CD163: variants seen among roughly 807,000 people sequenced by gnomAD.
The protein encoded by CD163 is scavenger receptor cysteine-rich type 1 protein M130.
CD163 carries 64 observed loss-of-function variants against 129.2 expected under a neutral mutation model. That is an observed-to-expected ratio of 0.50 (90% CI 0.41 to 0.61). The LOEUF is 0.61. Ranked by LOEUF, CD163 falls within the 20% of genes least tolerant of loss-of-function variation. The pLI is 0.00. For synonymous variants in CD163, 446 were observed against 478.5 expected (o/e 0.93, Z 0.89); for missense variants, 1,061 against 1,377.9 (o/e 0.77, Z 3.64).
At chr12:7,475,894 G>A (rs891646892) in intron 16 of CD163, among the ~76,000 whole-genome samples, 3 of 152,110 alleles carry the variant, frequency 2.0e-5, no homozygotes, top group Admixed American at 2.0e-4. Context: ...CAAAGTCTCA[G>A]GATACAAAAT....
Position 7,486,932 on chromosome 12 carries a change from CT to C in CD163, c.2104del (p.Arg702GlyfsTer13). On this transcript the variant is annotated frameshift_variant, in exon 9 of 17. Coordinates refer to ENST00000432237, the MANE Select transcript of CD163 (RefSeq NM_203416.4). LOFTEE classifies it high-confidence loss of function. ...SCNSSSLGPT[R>X]PTIPEESAVA... ...AGCACTTTCTTCTGGAATGGTAGGC[CT>C]TGTTGGGCCCAAAGACGATGAATTG... 1 of 1,614,108 alleles carries C rather than the reference CT, an allele frequency of 6.2e-7. No individual in the cohort carries two copies. Among genetic ancestry groups the C allele is most frequent in the Non-Finnish European group, 8.5e-7 (1 of 1,179,994 alleles).
chr12:7,487,480 A>T lies in CD163; in HGVS notation c.1929T>A (p.Gly643=). The T allele has an allele frequency of 6.2e-7, 1 of 1,613,986 alleles. No individual in the cohort carries two copies. Among genetic ancestry groups the T allele is most frequent in the Non-Finnish European group, 8.5e-7 (1 of 1,179,980 alleles). Residue 643 remains glycine, a synonymous_variant, in exon 8 of 17, where the codon GGT becomes GGA. Transcript: ENST00000432237. The surrounding 1 kb of genome is among the most constrained non-coding windows in gnomAD (Gnocchi z 5.1). ...AGTGAAACATATGCCTCCAGATCTG[A>T]CCATTTCCTTTTCCAAAACGTGCTC... is the stretch of plus-strand genomic sequence containing the variant. ...PGGARFGKGN[G]QIWRHMFHCT...
chr12:7,485,561 G>T lies in CD163; in HGVS notation c.2459-145C>A. On this transcript the variant is annotated intron_variant, in intron 10 of 16. Transcript: ENST00000432237. This position sits in a 1 kb window ranked among gnomAD's most constrained non-coding sequence, Gnocchi z 4.5. ...ACTAATAATTCGTTAGTAACTTCTG[G>T]ATGATTTCATAGATATTATTAAAAT... The T allele has an allele frequency of 2.1e-6, 1 of 466,188 alleles. No homozygotes were observed. Among genetic ancestry groups the T allele is most frequent in the African/African-American group, 2.0e-5 (1 of 50,508 alleles). The allele number at this position is 466,188 out of a possible 1,614,324, so 28.9% of individuals were successfully genotyped here.
intron 12 of CD163, 139 bp from the exon 13 acceptor site, chr12:7,483,143 C>G: frequency 1.1e-6 from 1 of 890,314 alleles, no homozygotes; most frequent in Non-Finnish European, 1.7e-6. Flanking sequence ...GTCCTCTAGT[C>G]TTTCTTTCTC....
intron 6 of CD163, among the ~76,000 whole-genome samples, chr12:7,493,853 A>G (rs1376881122): frequency 6.6e-6 from 1 of 152,162 alleles, no homozygotes; most frequent in South Asian, 2.1e-4. Flanking sequence ...TTAAAAAAAA[A>G]TTTAGGTAAA....
At chr12:7,498,626 C>T (rs758166259) in intron 4 of CD163, among the ~76,000 whole-genome samples, 1 of 152,058 alleles carries the variant, frequency 6.6e-6, no homozygotes, top group Admixed American at 6.5e-5. Context: ...TTCCTAAACA[C>T]TTTCTTCTTT....
chr12:7,476,003 T>A (rs1401854572), intron 16 of CD163, among the ~76,000 whole-genome samples: 1 of 151,924 alleles, frequency 6.6e-6, no homozygotes, highest in Non-Finnish European at 1.5e-5. Context: ...ACAAAGAGAA[T>A]AAAATACCTA....
Position 7,485,485 on chromosome 12 carries a change from T to G in CD163, c.2459-69A>C. Reference sequence around the variant, plus strand: ...GATTCAGAGACTCCTTCCCTTTACCTTGATGTAAGAATGGCTTTAAAAATA... The same window carrying G: ...GATTCAGAGACTCCTTCCCTTTACCGTGATGTAAGAATGGCTTTAAAAATA... On this transcript the variant is annotated intron_variant, in intron 10 of 16. Transcript: ENST00000432237. This position sits in a 1 kb window ranked among gnomAD's most constrained non-coding sequence, Gnocchi z 4.5. 1 of 1,265,458 alleles carries G rather than the reference T, an allele frequency of 7.9e-7. No individual in the cohort carries two copies. The highest frequency in any genetic ancestry group is 1.1e-6 in the Non-Finnish European group (1 of 897,178). The allele number at this position is 1,265,458 out of a possible 1,614,324, so 78.4% of individuals were successfully genotyped here.
intron 13 of CD163, 76 bp from the exon 14 acceptor site, chr12:7,482,838 C>T: frequency 6.3e-7 from 1 of 1,593,056 alleles, no homozygotes; most frequent in Non-Finnish European, 8.6e-7. Context: ...CTGATTCTCT[C>T]TTAGGTCAAA....
intron 6 of CD163, 23 bp from the exon 7 acceptor site, chr12:7,488,110 G>A: frequency 6.4e-7 from 1 of 1,562,744 alleles, no homozygotes; most frequent in Non-Finnish European, 8.7e-7. Context: ...TATTATTTCA[G>A]TGAGAGGTAA....
At chr12:7,478,025 TTATTA>T (rs1231097839) in intron 16 of CD163, among the ~76,000 whole-genome samples, 2 of 152,178 alleles carry the variant, frequency 1.3e-5, no homozygotes, top group Non-Finnish European at 2.9e-5. Flanking sequence ...AAATGGAATA[TTATTA>T]TATTTTATAA....
At chr12:7,480,142 T>G in intron 15 of CD163, 1 of 660,804 alleles carries the variant, frequency 1.5e-6, no homozygotes, top group East Asian at 3.0e-5. Flanking sequence ...TTCCTATTTC[T>G]TAAATATGTT....
intron 14 of CD163, among the ~76,000 whole-genome samples, chr12:7,482,027 T>C (rs143643906): frequency 2.0e-3 from 303 of 152,314 alleles, no homozygotes; most frequent in Middle Eastern, 0.014. Flanking sequence ...GCCACTTTTG[T>C]TCCTTTTTCC....
At position 7,487,867 on chromosome 12, in the gene CD163, A is replaced by G; in HGVS notation, c.1641T>C (p.Cys547=). The G allele has an allele frequency of 6.2e-7, 1 of 1,614,090 alleles. No homozygotes were observed. Residue 547 remains cysteine (C), a synonymous_variant, in exon 7 of 17, where the codon TGT becomes TGC. Transcript: ENST00000432237. This position sits in a 1 kb window ranked among gnomAD's most constrained non-coding sequence, Gnocchi z 5.1. ...GTGAAAGATGGGACTCATGTCCCTC[A>G]CACTGGAATTCTTCAGCCCAGATCT... The part of the protein sequence containing the change: ...NGQIWAEEFQ[C]EGHESHLSLC...
At chr12:7,495,825 A>T (rs1037063152) in intron 5 of CD163, among the ~76,000 whole-genome samples, 1 of 152,224 alleles carries the variant, frequency 6.6e-6, no homozygotes, top group Non-Finnish European at 1.5e-5. Flanking sequence ...TCTGGAAACA[A>T]CAGATGTTGG....
chr12:7,486,470 T>G lies in CD163; in HGVS notation c.2458+29A>C, dbSNP rs1949249799. 7 of 1,590,798 alleles carry G rather than the reference T, an allele frequency of 4.4e-6. No individual in the cohort carries two copies. The East Asian group carries it at 1.6e-4, about 36-fold the overall frequency. On this transcript the variant is annotated intron_variant, in intron 10 of 16. Transcript: ENST00000432237. ...TTCCTCAGTCCTTTCTCTATGTAATTATGACCAAAGGTCATATGCATAATT... is the reference window on the plus strand; with the variant it reads ...TTCCTCAGTCCTTTCTCTATGTAATGATGACCAAAGGTCATATGCATAATT...
chr12:7,493,407 C>T (rs989668647), intron 6 of CD163, among the ~76,000 whole-genome samples: 1 of 152,062 alleles, frequency 6.6e-6, no homozygotes, highest in East Asian at 1.9e-4. Context: ...CCTTCCTGTC[C>T]GGTAGGATTT....
chr12:7,495,562 G>T (rs1949389272), intron 5 of CD163, among the ~76,000 whole-genome samples, 161 bp from the exon 6 acceptor site: 1 of 151,894 alleles, frequency 6.6e-6, no homozygotes, highest in South Asian at 2.1e-4. Context: ...ATAAATTTTT[G>T]TTAGAAATGG....
chr12:7,472,206 C>T (rs1240284786), intron 16 of CD163, among the ~76,000 whole-genome samples: 2 of 152,234 alleles, frequency 1.3e-5, no homozygotes, highest in African/African-American at 4.8e-5. Flanking sequence ...TCTCCCAGCA[C>T]AGCGCTCGAG....
Sources: allele counts gnomAD v4.1 joint callset (sites outside exome capture counted in the v4.1 genomes callset), GRCh38; gene constraint gnomAD v4.1.1; non-coding constraint Gnocchi (gnomAD v3.1); transcripts MANE v1.5; gene names NCBI Gene and HGNC (gene_info 2026-07-23, HGNC 2026-07-21).